The following TJP1 variants were observed in gnomAD, a reference collection of about 807,000 sequenced individuals.
TJP1 encodes the protein tight junction protein 1.
Under a neutral mutation model 194.2 loss-of-function variants are expected in TJP1, and 43 were observed. The observed-to-expected ratio is 0.22, with a 90% confidence interval of 0.17 to 0.29. TJP1 has a LOEUF of 0.29. TJP1 is among the 10% of genes least tolerant of loss of function. The pLI is 1.00. For synonymous variants in TJP1, 801 were observed against 779.0 expected, an observed-to-expected ratio of 1.03 and a Z score of -0.47; for missense variants, 1,971 against 2,185.7, an observed-to-expected ratio of 0.90 and a Z score of 1.96.
At chr15:29,859,024 TAGAC>T (rs1431237529) in intron 2 of TJP1, among the ~76,000 whole-genome samples, 3 of 152,144 alleles carry the variant, frequency 2.0e-5, no homozygotes, top group East Asian at 1.9e-4. Context: ...AGAAACCTCT[TAGAC>T]AGATGGATGT....
intron 2 of TJP1, among the ~76,000 whole-genome samples, chr15:29,902,845 C>T (rs2053675973): frequency 6.6e-6 from 1 of 152,130 alleles, no homozygotes; most frequent in South Asian, 2.1e-4. Context: ...ACCATCCTGG[C>T]CAACACGGTG....
intron 2 of TJP1, among the ~76,000 whole-genome samples, chr15:29,918,416 A>G (rs946624715): frequency 1.3e-5 from 2 of 152,202 alleles, no homozygotes; most frequent in Non-Finnish European, 2.9e-5. Flanking sequence ...ACCAAAATAA[A>G]TAAGGAGGAA....
At chr15:29,769,127 G>A (rs2046498666) in intron 4 of TJP1, among the ~76,000 whole-genome samples, 1 of 152,188 alleles carries the variant, frequency 6.6e-6, no homozygotes, top group Non-Finnish European at 1.5e-5. Flanking sequence ...CATGAGGTAT[G>A]TATGACAAAA....
chr15:29,733,930 T>C (rs1008119380), intron 12 of TJP1, among the ~76,000 whole-genome samples: 1 of 152,202 alleles, frequency 6.6e-6, no homozygotes, highest in East Asian at 1.9e-4. Context: ...TCTGAGTGTA[T>C]TGCTTAGAAA....
At chr15:29,818,560 A>G (rs941025726) in intron 1 of TJP1, among the ~76,000 whole-genome samples, 20 of 152,148 alleles carry the variant, frequency 1.3e-4, no homozygotes, top group African/African-American at 4.3e-4. Context: ...GATGGAGTGC[A>G]GTGGTGCGAT....
At chr15:29,871,858 A>C (rs2052536686) in intron 2 of TJP1, among the ~76,000 whole-genome samples, 1 of 152,260 alleles carries the variant, frequency 6.6e-6, no homozygotes, top group Non-Finnish European at 1.5e-5. Context: ...AAAAGCATTA[A>C]AATAGATTTA....
At chr15:29,709,976 T>C (rs1041683515) in intron 24 of TJP1, among the ~76,000 whole-genome samples, 2 of 152,014 alleles carry the variant, frequency 1.3e-5, no homozygotes, top group African/African-American at 2.4e-5. Flanking sequence ...TGAAACCCTG[T>C]CTCTACAAAA....
At chr15:29,920,345 G>A (rs777081535) in intron 2 of TJP1, among the ~76,000 whole-genome samples, 3 of 152,140 alleles carry the variant, frequency 2.0e-5, no homozygotes, top group Non-Finnish European at 4.4e-5. Flanking sequence ...TACTCCTCTT[G>A]AGACTTCACC....
intron 2 of TJP1, among the ~76,000 whole-genome samples, chr15:29,861,056 C>A (rs558509775): frequency 6.6e-6 from 1 of 152,138 alleles, no homozygotes; most frequent in Admixed American, 6.5e-5. Context: ...TGGAATGGAA[C>A]CTGCAATATC....
At chr15:29,838,117 A>T (rs1351766148) in intron 2 of TJP1, among the ~76,000 whole-genome samples, 1 of 152,214 alleles carries the variant, frequency 6.6e-6, no homozygotes, top group Non-Finnish European at 1.5e-5. Context: ...TTTTATTTTG[A>T]AACAATCGTA....
At chr15:29,941,547 C>T (rs1472852894) in intron 2 of TJP1, among the ~76,000 whole-genome samples, 1 of 152,164 alleles carries the variant, frequency 6.6e-6, no homozygotes, top group African/African-American at 2.4e-5. Flanking sequence ...CTTCAACCAG[C>T]TGGTGTGAGC....
In TJP1 at chr15:29,718,757, A is replaced by G; in HGVS notation, c.3385T>C (p.Phe1129Leu). Residue 1129 changes from phenylalanine to leucine, a missense_variant, in exon 21 of 28, where the codon TTT becomes CTT. Phe to Leu is a conservative substitution (Grantham distance 22). This residue lies in a region of TJP1 where 1,108 missense variants were observed against 1,128.5 expected (regional missense o/e 0.98). Transcript: ENST00000614355. Reference sequence around the variant, plus strand: ...GGGGCTGGCTCTTCAAAACGTGGAAAGTACCCTCGTTCTGAGGACTCTTCG... The same window carrying G: ...GGGGCTGGCTCTTCAAAACGTGGAAGGTACCCTCGTTCTGAGGACTCTTCG... Reference protein sequence around the residue: ...HPEESSERGYFPRFEEPAPLS... With the variant: ...HPEESSERGYLPRFEEPAPLS... 1.2e-6 allele frequency: 2 copies of G among 1,614,168 alleles called. No homozygotes were observed. Among genetic ancestry groups the G allele is most frequent in the Non-Finnish European group, 1.7e-6 (2 of 1,180,030 alleles).
intron 18 of TJP1, among the ~76,000 whole-genome samples, 154 bp downstream of exon 18, chr15:29,726,225 C>A (rs148270427): frequency 8.5e-5 from 13 of 152,268 alleles, no homozygotes; most frequent in African/African-American, 3.1e-4. Context: ...ACTTTCATAA[C>A]CCCTACACAC....
chr15:29,808,431 T>A (rs1317723403), intron 1 of TJP1, among the ~76,000 whole-genome samples: 1 of 152,226 alleles, frequency 6.6e-6, no homozygotes, highest in Non-Finnish European at 1.5e-5. Flanking sequence ...AATAGGCATA[T>A]TCACTTTGAA....
At chr15:29,803,148 C>G (rs2048897041) in intron 1 of TJP1, among the ~76,000 whole-genome samples, 1 of 152,126 alleles carries the variant, frequency 6.6e-6, no homozygotes, top group African/African-American at 2.4e-5. Flanking sequence ...TGACATTTTT[C>G]TATCAGGTGT....
At chr15:29,711,834 G>T (rs45583033) in intron 23 of TJP1, among the ~76,000 whole-genome samples, 9,031 of 152,208 alleles carry the variant, frequency 0.059, 342 homozygotes, top group Non-Finnish European at 0.085. Context: ...AAATTATGCG[G>T]TTATAGCCTT....
chr15:29,813,472 A>C (rs2049677818), intron 1 of TJP1, among the ~76,000 whole-genome samples: 1 of 152,212 alleles, frequency 6.6e-6, no homozygotes, highest in African/African-American at 2.4e-5. Context: ...CATGAAGTAC[A>C]AGAACTGAAT....
intron 2 of TJP1, among the ~76,000 whole-genome samples, chr15:29,901,576 C>T (rs991039521): frequency 2.0e-5 from 3 of 152,186 alleles, no homozygotes; most frequent in African/African-American, 7.2e-5. Flanking sequence ...AATCCCAACA[C>T]TTTGTGAGGC....
At chr15:29,908,074 A>AAAAAAAAAAAAAAAAAAAAAAAAAG in intron 2 of TJP1, among the ~76,000 whole-genome samples, 1 of 145,306 alleles carries the variant, frequency 6.9e-6, no homozygotes. Context: ...AAAAAAAAAA[A>AAAAAAAAAAAAAAAAAAAAAAAAAG]AAAAAAAAAA....
Sources: gnomAD v4.1 joint callset for allele counts (sites outside exome capture counted in the v4.1 genomes callset) on GRCh38, gnomAD v4.1.1 for gene constraint, gnomAD v4.1.1 regional missense constraint, MANE v1.5 for transcripts, NCBI Gene and HGNC (gene_info 2026-07-23, HGNC 2026-07-21) for gene names.